CLPTM1: variants seen among roughly 807,000 people sequenced by gnomAD.
CLPTM1 encodes putative lipid scramblase CLPTM1.
CLPTM1 carries 21 observed loss-of-function variants against 77.3 expected under a neutral mutation model. The observed-to-expected ratio is 0.27, with a 90% CI of 0.19 to 0.39. The LOEUF (loss-of-function observed/expected upper bound fraction) is 0.39, where lower values mean the gene tolerates loss of function less well. CLPTM1 is among the 10% of genes least tolerant of loss of function. CLPTM1 has a pLI of 1.00. For synonymous variants in CLPTM1, 373 were observed against 381.0 expected (o/e 0.98, Z 0.24); for missense variants, 642 against 921.2 (o/e 0.70, Z 3.92).
chr19:44,965,015 T>C (rs1970604567), intron 2 of CLPTM1, among the ~76,000 whole-genome samples: 1 of 152,198 alleles, frequency 6.6e-6, no homozygotes, highest in Admixed American at 6.6e-5. Flanking sequence ...CTATCCTTCC[T>C]GCCTAGACCT....
Position 44,993,283 on chromosome 19 carries a change from G to T in CLPTM1, c.*386G>T, listed in dbSNP as rs1001761686. 6 of 443,770 alleles carry T rather than the reference G, an allele frequency of 1.4e-5. No individual in the cohort carries two copies. Among genetic ancestry groups the T allele is most frequent in the African/African-American group, 2.0e-5 (1 of 50,272 alleles). The allele number at this position is 443,770 out of a possible 1,614,324, so 27.5% of individuals were successfully genotyped here. On this transcript the variant is annotated 3_prime_UTR_variant, in exon 14 of 14. Transcript: ENST00000337392. ...CCTACCACACTCCCCCTCCTAGACC[G>T]CCGCCCTTTAACACAGTCTGGATTT...
rs1232236271 is a variant in CLPTM1, at chr19:44,970,933, C to T, written c.186-2154C>T. Among the ~76,000 whole-genome samples the T allele has an allele frequency of 3.4e-5, 5 of 145,620 alleles. No individual in the cohort carries two copies. The East Asian group carries it at 5.8e-4, about 17-fold the overall frequency. On this transcript the variant is annotated intron_variant, in intron 2 of 13. Coordinates refer to ENST00000337392, the MANE Select transcript of CLPTM1 (RefSeq NM_001294.4). The stretch of plus-strand genomic sequence containing the variant: ...GCAACCTCCTTCTCCTGGGTTCAAG[C>T]GATTCTCCTGCCCCAGCTTCCCGAA...
rs117595367 is a variant in CLPTM1 at position 44,979,476 on chromosome 19, T to C, written c.586+2016T>C. Among the ~76,000 whole-genome samples the C allele has an allele frequency of 7.4e-4, 113 of 152,268 alleles. 5 individuals carry two copies. In the East Asian group the frequency reaches 0.021, roughly 29 times the overall value. ...ACTATTCCAGACATTCCCTGTGGAT[T>C]TGGTTAAGATCCATCTGGCTGGTTT... On this transcript the variant is annotated intron_variant, in intron 5 of 13. Transcript: ENST00000337392.
At chr19:44,954,979 G>T (rs1047249438), upstream of CLPTM1, 1 of 1,535,570 alleles carries the variant, frequency 6.5e-7, no homozygotes, top group Non-Finnish European at 8.7e-7. Context: ...GTGGTTCGAA[G>T]CCGTACAGTG....
intron 2 of CLPTM1, among the ~76,000 whole-genome samples, chr19:44,964,257 A>G (rs1970590581): frequency 6.7e-6 from 1 of 149,964 alleles, no homozygotes; most frequent in Admixed American, 6.7e-5. Context: ...ATCTGCACAT[A>G]ACATCAAATT....
Position 44,964,298 on chromosome 19 carries a change from C to CTTTTTTTTTTTTTTT in CLPTM1, c.185+2239_185+2253dup, listed in dbSNP as rs35539206. Among the ~76,000 whole-genome samples, 35 of 68,158 alleles carry CTTTTTTTTTTTTTTT rather than the reference C, an allele frequency of 5.1e-4. 3 individuals carry two copies. The highest frequency in any genetic ancestry group is 6.6e-4 in the Non-Finnish European group (25 of 37,720). 44.7% of individuals were successfully genotyped at this position (68,158 alleles called of 152,430 possible). A position where few individuals can be genotyped will look rare whatever the true frequency, so the allele number is the denominator to read the frequency against. ...TTTTAACCTATGTTTTCATTTTAAC[C>CTTTTTTTTTTTTTTT]TTTTTTTTTTTTTTTTTTTTTTTTT... On this transcript the variant is annotated intron_variant, in intron 2 of 13. Transcript: ENST00000337392.
In CLPTM1 at chr19:44,973,347, G is replaced by A. The variant is rs1405041756; in HGVS notation, c.309+137G>A. On this transcript the variant is annotated intron_variant, in intron 3 of 13. Transcript: ENST00000337392. ...TCTAGGAAAACAGGTCCAGGGTTGAGGAACTCTGGGCCCATCCCCAACACG... is the reference window on the plus strand; with the variant it reads ...TCTAGGAAAACAGGTCCAGGGTTGAAGAACTCTGGGCCCATCCCCAACACG... 4 of 1,154,132 alleles carry A rather than the reference G, an allele frequency of 3.5e-6. No individual in the cohort carries two copies. In the East Asian group the frequency reaches 1.0e-4, roughly 30 times the overall value. 71.5% of individuals were successfully genotyped at this position (1,154,132 alleles called of 1,614,324 possible). A position where few individuals can be genotyped will look rare whatever the true frequency, so the allele number is the denominator to read the frequency against.
At position 44,990,439 on chromosome 19, in the gene CLPTM1, G is replaced by A. The variant is rs757259973; in HGVS notation, c.1177G>A (p.Val393Met). The A allele has an allele frequency of 3.7e-6, 6 of 1,614,072 alleles. No homozygotes were observed. The highest frequency in any genetic ancestry group is 1.1e-5 in the South Asian group (1 of 91,084). Residue 393 changes from valine (V) to methionine (M), a missense_variant, in exon 10 of 14, where the codon GTG (valine) becomes ATG (methionine). Physicochemically the swap from Val to Met is conservative, Grantham distance 21. Around this residue, in one of 2 missense-constraint regions of CLPTM1, gnomAD observed 521 missense variants for 800.4 expected, o/e 0.65. Transcript: ENST00000337392. The surrounding 1 kb of genome is among the most constrained non-coding windows in gnomAD (Gnocchi z 4.8). ...CCGGCAGTCCCTGGAGGGCCTGTCC[G>A]TGCGCTCCGTCTTCTTCGGCGTTTT... ...NSRQSLEGLS[V>M]RSVFFGVFQS...
chr19:44,988,249 C>A, intron 9 of CLPTM1, 76 bp downstream of exon 9: 1 of 1,049,504 alleles, frequency 9.5e-7, no homozygotes. Flanking sequence ...CTCCTCCCCT[C>A]CCTCCCCACA....
At chr19:44,981,872 C>G (rs1414908173) in intron 5 of CLPTM1, among the ~76,000 whole-genome samples, 1 of 151,714 alleles carries the variant, frequency 6.6e-6, no homozygotes, top group African/African-American at 2.4e-5. Context: ...CCACTGCACT[C>G]TAGCCTGGAT....
chr19:44,987,956 C>T, intron 8 of CLPTM1, 124 bp from the exon 9 acceptor site: 1 of 738,530 alleles, frequency 1.4e-6, no homozygotes. Context: ...CTGACCCAGT[C>T]TCCTCCTGGC....
chr19:44,979,088 T>A (rs1373016623), intron 5 of CLPTM1, among the ~76,000 whole-genome samples: 1 of 151,352 alleles, frequency 6.6e-6, no homozygotes, highest in Non-Finnish European at 1.5e-5. Flanking sequence ...CAAGCGATTC[T>A]CCCACCTTAG....
intron 2 of CLPTM1, among the ~76,000 whole-genome samples, chr19:44,965,666 T>C (rs1348198161): frequency 6.6e-6 from 1 of 151,594 alleles, no homozygotes; most frequent in South Asian, 2.1e-4. Flanking sequence ...ACAAAAAAAT[T>C]AGCCAGGTGT....
chr19:44,960,347 G>A (rs1294380551), intron 1 of CLPTM1, among the ~76,000 whole-genome samples: 3 of 152,186 alleles, frequency 2.0e-5, no homozygotes, highest in Non-Finnish European at 2.9e-5. Context: ...GTTCTAGTGT[G>A]TTTCCTTCTA....
chr19:44,977,255 A>G (rs534272216), intron 4 of CLPTM1, 88 bp from the exon 5 acceptor site: 2 of 946,898 alleles, frequency 2.1e-6, no homozygotes, highest in East Asian at 2.4e-5. Flanking sequence ...GGGGGAGGAA[A>G]CTGCTGCAGA....
At chr19:44,971,690 C>T (rs758226683) in intron 2 of CLPTM1, among the ~76,000 whole-genome samples, 16 of 151,870 alleles carry the variant, frequency 1.1e-4, no homozygotes, top group Non-Finnish European at 2.1e-4. Flanking sequence ...CCCCAAGTAG[C>T]TGGGACTACA....
chr19:44,976,411 G>C (rs1044786201), intron 4 of CLPTM1, among the ~76,000 whole-genome samples: 2 of 152,254 alleles, frequency 1.3e-5, no homozygotes, highest in Admixed American at 6.5e-5. Context: ...CCAGAGCCCA[G>C]GAGTTTAAGA....
chr19:44,986,547 G>A lies in CLPTM1; in HGVS notation c.765G>A (p.Lys255=). Residue 255 remains lysine (K), a synonymous_variant, in exon 7 of 14, where the codon AAG becomes AAA. Transcript: ENST00000337392. The part of the protein sequence containing the change: ...NIVDDHTPWV[K]GSVPPPLDQY... ...TGGACGACCACACGCCGTGGGTGAA[G>A]GGCAGTGTGCCCCCTCCCCTGGATC... The A allele has an allele frequency of 6.2e-7, 1 of 1,614,012 alleles. No homozygotes were observed. Among genetic ancestry groups the A allele is most frequent in the Non-Finnish European group, 8.5e-7 (1 of 1,179,994 alleles).
At chr19:44,958,438 C>T (rs1324423599) in intron 1 of CLPTM1, among the ~76,000 whole-genome samples, 1 of 151,322 alleles carries the variant, frequency 6.6e-6, no homozygotes, top group Non-Finnish European at 1.5e-5. Flanking sequence ...TCACCACAAT[C>T]TCGGCTCACT....
Sources: gnomAD v4.1 joint callset for allele counts (sites outside exome capture counted in the v4.1 genomes callset) on GRCh38, gnomAD v4.1.1 for gene constraint, gnomAD v4.1.1 regional missense constraint, Gnocchi (gnomAD v3.1) non-coding constraint, MANE v1.5 for transcripts, NCBI Gene and HGNC (gene_info 2026-07-23, HGNC 2026-07-21) for gene names.